The following DEUP1 variants were observed in gnomAD, a reference collection of about 807,000 sequenced individuals.
DEUP1 encodes deuterosome assembly protein 1.
DEUP1 carries 82 observed loss-of-function variants against 87.4 expected under a neutral mutation model. That is an observed-to-expected ratio of 0.94 (90% CI 0.78 to 1.13). DEUP1 has a LOEUF of 1.13. Ranked by LOEUF, DEUP1 falls within the 50% of genes most tolerant of loss-of-function variation. DEUP1 has a pLI of 0.00. For synonymous variants in DEUP1, 214 were observed against 222.7 expected (o/e 0.96, Z 0.35); for missense variants, 663 against 681.5 (o/e 0.97, Z 0.30).
intron 13 of DEUP1, among the ~76,000 whole-genome samples, chr11:93,429,762 A>G (rs1478604889): frequency 6.6e-6 from 1 of 152,210 alleles, no homozygotes; most frequent in Non-Finnish European, 1.5e-5. Flanking sequence ...ATGCAGAAGT[A>G]TCTGTTGATT....
intron 1 of DEUP1, among the ~76,000 whole-genome samples, chr11:93,331,231 T>C (rs1943462586): frequency 6.6e-6 from 1 of 152,254 alleles, no homozygotes; most frequent in African/African-American, 2.4e-5. Context: ...CGAATCTTCC[T>C]CCTCTTTCTA....
chr11:93,406,885 T>A (rs1183358122), intron 11 of DEUP1, among the ~76,000 whole-genome samples: 4 of 151,868 alleles, frequency 2.6e-5, no homozygotes, highest in Non-Finnish European at 5.9e-5. Flanking sequence ...TAGAGTAAAA[T>A]TTGCCAGGAA....
chr11:93,355,418 A>G lies in DEUP1; in HGVS notation c.77A>G (p.Asp26Gly). The G allele has an allele frequency of 6.2e-7, 1 of 1,613,812 alleles. No individual in the cohort carries two copies. The highest frequency in any genetic ancestry group is 8.5e-7 in the Non-Finnish European group (1 of 1,179,768). ...AELQELMEQI[D>G]IMVSNKKMDW... ...CTTCAGGAATTAATGGAACAAATTG[A>G]CATCATGGTAAGCAACAAGAAAATG... The change falls in exon 3 of 14, where the codon GAC (aspartate) becomes GGC (glycine). Residue 26 changes from aspartate to glycine, a missense_variant. By Grantham distance (94) the Asp-to-Gly change is moderately conservative. Coordinates refer to ENST00000298050, the MANE Select transcript of DEUP1 (RefSeq NM_181645.4).
intron 2 of DEUP1, among the ~76,000 whole-genome samples, chr11:93,354,856 T>C (rs1361838087): frequency 2.6e-5 from 4 of 152,192 alleles, no homozygotes; most frequent in Non-Finnish European, 5.9e-5. Context: ...AGCCAAACTA[T>C]ATCACTGCCT....
Position 93,348,534 on chromosome 11 carries a change from C to G in DEUP1, c.30-6837C>G, listed in dbSNP as rs1030892729. ...TCCCACAGAATATGGCATGTTGTGT[C>G]TTTGTTCTCATTAGTTTCAAAGAAC... On this transcript the variant is annotated intron_variant, in intron 2 of 13. Transcript: ENST00000298050. 2.0e-5 allele frequency among the ~76,000 whole-genome samples: 3 copies of G among 152,180 alleles called. No individual in the cohort carries two copies. In the East Asian group the frequency reaches 5.8e-4, roughly 29 times the overall value.
At chr11:93,405,368 G>A (rs1947239997) in intron 11 of DEUP1, among the ~76,000 whole-genome samples, 2 of 151,802 alleles carry the variant, frequency 1.3e-5, no homozygotes, top group Admixed American at 1.3e-4. Context: ...CTGCATTTAT[G>A]CCTCTCAAAA....
At position 93,340,205 on chromosome 11, in the gene DEUP1, TAG is replaced by T. The variant is rs199848889; in HGVS notation, c.29+7922_29+7923del. ...AGAAAAAGTAAGCAGATTATGAGAATAGAGAGTTACAGAGTAAATCTGGTTAG... is the reference window on the plus strand; with the variant it reads ...AGAAAAAGTAAGCAGATTATGAGAATAGAGTTACAGAGTAAATCTGGTTAG... On this transcript the variant is annotated intron_variant, in intron 2 of 13. Coordinates refer to ENST00000298050, the MANE Select transcript of DEUP1 (RefSeq NM_181645.4). 8.1e-3 allele frequency among the ~76,000 whole-genome samples: 1,228 copies of T among 152,184 alleles called. 20 individuals carry two copies. Among genetic ancestry groups the T allele is most frequent in the African/African-American group, 0.028 (1,142 of 41,512 alleles).
intron 13 of DEUP1, among the ~76,000 whole-genome samples, chr11:93,434,834 C>T (rs929486608): frequency 6.6e-6 from 1 of 152,170 alleles, no homozygotes; most frequent in Non-Finnish European, 1.5e-5. Context: ...AACCATAAAA[C>T]AGCCATCGGT....
At chr11:93,374,644 T>C (rs543952781) in intron 7 of DEUP1, among the ~76,000 whole-genome samples, 1 of 152,332 alleles carries the variant, frequency 6.6e-6, no homozygotes, top group African/African-American at 2.4e-5. Flanking sequence ...TTTCTGTGCC[T>C]ATTTTTATAC....
Position 93,394,661 on chromosome 11 carries a change from G to T in DEUP1, c.1239+5G>T. The T allele has an allele frequency of 6.2e-7, 1 of 1,602,390 alleles. No individual in the cohort carries two copies. Among genetic ancestry groups the T allele is most frequent in the South Asian group, 1.1e-5 (1 of 89,446 alleles). On this transcript the variant is annotated splice_donor_5th_base_variant and intron_variant, in intron 10 of 13. Coordinates refer to ENST00000298050, the MANE Select transcript of DEUP1 (RefSeq NM_181645.4). The stretch of plus-strand genomic sequence containing the variant: ...AAAATGTTAGCAAAACAAAAGGTAT[G>T]CAAGCAGGCAGAATAGCACTTGTCT...
chr11:93,382,806 T>C (rs1249687142), intron 7 of DEUP1, among the ~76,000 whole-genome samples: 2 of 152,264 alleles, frequency 1.3e-5, no homozygotes, highest in Non-Finnish European at 2.9e-5. Flanking sequence ...TCTATTGTTT[T>C]GCATTTCTTT....
chr11:93,370,475 T>C (rs1945662107), intron 6 of DEUP1, among the ~76,000 whole-genome samples: 1 of 152,228 alleles, frequency 6.6e-6, no homozygotes. Context: ...GATTGCTTGC[T>C]TTACTTTGTA....
rs1235825536 is a variant in DEUP1 at position 93,355,382 on chromosome 11, G to T, written c.41G>T (p.Cys14Phe). ...CCTACAATTGCCAGAACTTCTCCTT[G>T]TGAGGCTGAGCTTCAGGAATTAATG... ...QAHNTMGTSPCEAELQELMEQ... is the reference protein window; with the variant it reads ...QAHNTMGTSPFEAELQELMEQ... Residue 14 changes from cysteine to phenylalanine, a missense_variant, in exon 3 of 14, where the codon TGT (cysteine) becomes TTT (phenylalanine). Coordinates refer to ENST00000298050, the MANE Select transcript of DEUP1 (RefSeq NM_181645.4). 1 of 1,613,040 alleles carries T rather than the reference G, an allele frequency of 6.2e-7. No individual in the cohort carries two copies. The highest frequency in any genetic ancestry group is 8.5e-7 in the Non-Finnish European group (1 of 1,179,578).
intron 9 of DEUP1, among the ~76,000 whole-genome samples, chr11:93,390,345 T>G (rs1250776224): frequency 6.6e-6 from 1 of 152,166 alleles, no homozygotes; most frequent in African/African-American, 2.4e-5. Flanking sequence ...TCTGCTAATT[T>G]CTATAGGAAA....
intron 2 of DEUP1, among the ~76,000 whole-genome samples, chr11:93,335,047 A>G (rs1258080907): frequency 6.6e-6 from 1 of 152,182 alleles, no homozygotes; most frequent in African/African-American, 2.4e-5. Flanking sequence ...TCTTTAAATA[A>G]TAAAAGCATG....
chr11:93,330,551 C>A (rs1943415637), upstream of DEUP1: 1 of 152,372 alleles, frequency 6.6e-6, no homozygotes, highest in African/African-American at 2.4e-5. Flanking sequence ...CCGACGGCCA[C>A]GAGTTCGGGC....
At chr11:93,415,824 G>C (rs1007910577) in intron 13 of DEUP1, among the ~76,000 whole-genome samples, 2 of 151,250 alleles carry the variant, frequency 1.3e-5, no homozygotes, top group South Asian at 4.2e-4. Flanking sequence ...GTTTATTTTT[G>C]TTTCTCTATA....
intron 2 of DEUP1, among the ~76,000 whole-genome samples, chr11:93,340,548 T>C (rs1298791947): frequency 4.6e-5 from 7 of 152,146 alleles, no homozygotes; most frequent in Non-Finnish European, 8.8e-5. Context: ...TTTTCTGACT[T>C]AATATTTTAA....
chr11:93,388,872 T>C, intron 8 of DEUP1, 148 bp from the exon 9 acceptor site: 1 of 559,904 alleles, frequency 1.8e-6, no homozygotes, highest in Non-Finnish European at 3.2e-6. Context: ...CTGAATGTAT[T>C]AGAACTTGCA....
Sources: allele counts gnomAD v4.1 joint callset (sites outside exome capture counted in the v4.1 genomes callset), GRCh38; gene constraint gnomAD v4.1.1; transcripts MANE v1.5; gene names NCBI Gene and HGNC (gene_info 2026-07-23, HGNC 2026-07-21).